TNFRSF10B: variants seen among roughly 807,000 people sequenced by gnomAD.
The protein encoded by TNFRSF10B is TNF receptor superfamily member 10b, also known as tumor necrosis factor receptor superfamily member 10B.
A neutral mutation model predicts 41.4 loss-of-function variants in TNFRSF10B; 35 were observed. The ratio of observed to expected loss-of-function variants is 0.85; its 90% CI spans 0.65 to 1.12. TNFRSF10B has a LOEUF of 1.12. TNFRSF10B is among the 50% of genes most tolerant of loss of function. TNFRSF10B has a pLI of 0.00. For synonymous variants in TNFRSF10B, 230 were observed against 215.5 expected, an observed-to-expected ratio of 1.07 and a Z score of -0.59; for missense variants, 584 against 552.7, an observed-to-expected ratio of 1.06 and a Z score of -0.57.
At chr8:23,039,386 G>C (rs189617384) in intron 2 of TNFRSF10B, among the ~76,000 whole-genome samples, 1 of 152,158 alleles carries the variant, frequency 6.6e-6, no homozygotes, top group Non-Finnish European at 1.5e-5. Context: ...AAAGGTACAG[G>C]ATAGGCCAGC....
chr8:23,063,848 T>C lies in TNFRSF10B; in HGVS notation c.144+4903A>G, dbSNP rs571014148. 2.6e-5 allele frequency among the ~76,000 whole-genome samples: 4 copies of C among 152,324 alleles called. No individual in the cohort carries two copies. The East Asian group carries it at 7.7e-4, about 29-fold the overall frequency. On this transcript the variant is annotated intron_variant, in intron 1 of 8. Coordinates refer to ENST00000276431, the MANE Select transcript of TNFRSF10B (RefSeq NM_003842.5). Reference sequence around the variant, plus strand: ...ACAATGGCCTTGGTGACTCTGGACTTGGGTGATCCTCCGTACTCTATTCAG... The same window carrying C: ...ACAATGGCCTTGGTGACTCTGGACTCGGGTGATCCTCCGTACTCTATTCAG...
At chr8:23,045,729 A>C (rs1812338452) in intron 1 of TNFRSF10B, among the ~76,000 whole-genome samples, 1 of 152,270 alleles carries the variant, frequency 6.6e-6, no homozygotes. Context: ...CATTAAAAGA[A>C]TCATTGACCA....
chr8:23,039,662 C>T (rs1394835056), intron 2 of TNFRSF10B, among the ~76,000 whole-genome samples: 4 of 152,170 alleles, frequency 2.6e-5, no homozygotes, highest in Admixed American at 1.3e-4. Flanking sequence ...CAAGTTGACA[C>T]ATAAAATCAA....
At chr8:23,042,655 A>G (rs78198802) in intron 2 of TNFRSF10B, among the ~76,000 whole-genome samples, 1,792 of 152,144 alleles carry the variant, frequency 0.012, 21 homozygotes, top group Non-Finnish European at 0.014. Context: ...GACATCCATC[A>G]CTCATGAAAT....
intron 2 of TNFRSF10B, among the ~76,000 whole-genome samples, chr8:23,036,326 A>C (rs1812028855): frequency 6.6e-6 from 1 of 152,236 alleles, no homozygotes. Flanking sequence ...TGAAGGCACA[A>C]GAAAGTTACA....
intron 1 of TNFRSF10B, among the ~76,000 whole-genome samples, chr8:23,063,263 G>T (rs1434670315): frequency 1.3e-5 from 2 of 151,246 alleles, no homozygotes; most frequent in Non-Finnish European, 2.9e-5. Flanking sequence ...CAGGAGAATC[G>T]CTTGAACCCA....
At chr8:23,028,191 G>C in intron 5 of TNFRSF10B, 140 bp downstream of exon 5, 1 of 1,160,284 alleles carries the variant, frequency 8.6e-7, no homozygotes, top group East Asian at 2.4e-5. Context: ...TGGGGATGGG[G>C]GTGACCACGA....
rs1307213202 is a variant in TNFRSF10B, at chr8:23,020,450, C to A, written c.*2221G>T. The A allele has an allele frequency of 1.8e-5, 8 of 453,988 alleles. No individual in the cohort carries two copies. The highest frequency in any genetic ancestry group is 3.1e-5 in the South Asian group (2 of 64,482). The allele number at this position is 453,988 out of a possible 1,614,324, so 28.1% of individuals were successfully genotyped here. On this transcript the variant is annotated 3_prime_UTR_variant, in exon 9 of 9. Transcript: ENST00000276431. ...GTGGCTCACGCCTGTAATCCCAGCA[C>A]TTTCGGAGGCCAAGGTGGATCACCT...
intron 1 of TNFRSF10B, among the ~76,000 whole-genome samples, chr8:23,063,184 C>A (rs1205431221): frequency 1.3e-5 from 2 of 151,972 alleles, no homozygotes; most frequent in African/African-American, 4.8e-5. Context: ...CCGGTCTCTA[C>A]TAAAAATACA....
intron 1 of TNFRSF10B, among the ~76,000 whole-genome samples, chr8:23,050,673 G>GA (rs1001680802): frequency 6.6e-6 from 1 of 152,150 alleles, no homozygotes; most frequent in African/African-American, 2.4e-5. Flanking sequence ...ATGTCTTTGG[G>GA]AAAAAATTGT....
Position 23,022,481 on chromosome 8 carries a change from T to C in TNFRSF10B, c.*190A>G. The C allele has an allele frequency of 1.4e-6, 1 of 704,814 alleles. No homozygotes were observed. Among genetic ancestry groups the C allele is most frequent in the Non-Finnish European group, 2.6e-6 (1 of 391,220 alleles). The allele number at this position is 704,814 out of a possible 1,614,324, so 43.7% of individuals were successfully genotyped here. A position where few individuals can be genotyped will look rare whatever the true frequency, so the allele number is the denominator to read the frequency against. On this transcript the variant is annotated 3_prime_UTR_variant, in exon 9 of 9. Transcript: ENST00000276431. ...TGTCCTTATTATCACATTCAGCTTATAAAAATAATGCCAAGTGCAGTGAAA... is the reference window on the plus strand; with the variant it reads ...TGTCCTTATTATCACATTCAGCTTACAAAAATAATGCCAAGTGCAGTGAAA...
At chr8:23,040,822 A>G (rs1199042275) in intron 2 of TNFRSF10B, among the ~76,000 whole-genome samples, 2 of 152,130 alleles carry the variant, frequency 1.3e-5, no homozygotes, top group Admixed American at 6.5e-5. Context: ...AAAAATCCAA[A>G]TTACACAAAC....
intron 2 of TNFRSF10B, among the ~76,000 whole-genome samples, chr8:23,039,370 A>G (rs533911091): frequency 6.6e-6 from 1 of 152,170 alleles, no homozygotes; most frequent in East Asian, 1.9e-4. Flanking sequence ...GAGGCTGGCA[A>G]ATTCAAAAGG....
intron 1 of TNFRSF10B, among the ~76,000 whole-genome samples, chr8:23,048,825 C>G (rs998385323): frequency 2.0e-5 from 3 of 152,094 alleles, no homozygotes; most frequent in Non-Finnish European, 2.9e-5. Context: ...CTTGAACGTT[C>G]GCCTGGGCTC....
intron 2 of TNFRSF10B, among the ~76,000 whole-genome samples, chr8:23,031,912 A>AT (rs1554508518): frequency 4.6e-3 from 129 of 27,880 alleles, no homozygotes; most frequent in East Asian, 0.023. Context: ...TTGCAGTAGC[A>AT]TTTTTTTTTT....
Position 23,068,753 on chromosome 8 carries a change from A to G in TNFRSF10B, c.142T>C (p.Leu48=). 2 of 1,582,174 alleles carry G rather than the reference A, an allele frequency of 1.3e-6. No individual in the cohort carries two copies. The highest frequency in any genetic ancestry group is 1.7e-6 in the Non-Finnish European group (2 of 1,164,062). ...LVLVVAAVLL[L]VSAESALITQ... ...CAGGGACCGCGGCGGGGACTCACCAACAGCAGGACCGCGGCGACAACGAGC... is the reference window on the plus strand; with the variant it reads ...CAGGGACCGCGGCGGGGACTCACCAGCAGCAGGACCGCGGCGACAACGAGC... Residue 48 remains leucine (L), a splice_region_variant and synonymous_variant, in exon 1 of 9, where the codon TTG becomes CTG. Transcript: ENST00000276431.
intron 1 of TNFRSF10B, among the ~76,000 whole-genome samples, chr8:23,057,607 A>G (rs1384670225): frequency 2.0e-5 from 3 of 151,048 alleles, no homozygotes; most frequent in Non-Finnish European, 4.4e-5. Flanking sequence ...TGATTTTTGT[A>G]TTTTTAGTAG....
intron 2 of TNFRSF10B, among the ~76,000 whole-genome samples, chr8:23,042,205 G>A (rs1222712223): frequency 2.0e-5 from 3 of 152,170 alleles, no homozygotes; most frequent in Non-Finnish European, 4.4e-5. Flanking sequence ...TCTGCTTCAC[G>A]CTGGGTTCTT....
At chr8:23,063,618 G>A (rs187877613) in intron 1 of TNFRSF10B, among the ~76,000 whole-genome samples, 10 of 152,074 alleles carry the variant, frequency 6.6e-5, no homozygotes, top group African/African-American at 1.7e-4. Flanking sequence ...ACCGGCCTGC[G>A]TTATCATCAT....
Sources: allele counts gnomAD v4.1 joint callset (sites outside exome capture counted in the v4.1 genomes callset), GRCh38; gene constraint gnomAD v4.1.1; transcripts MANE v1.5; gene names NCBI Gene and HGNC (gene_info 2026-07-23, HGNC 2026-07-21).